The following KLHL32 variants were observed in gnomAD, a reference collection of about 807,000 sequenced individuals.
KLHL32 encodes the protein kelch like family member 32.
A neutral mutation model predicts 64.8 loss-of-function variants in KLHL32; 35 were observed. The observed-to-expected ratio is 0.54, with a 90% confidence interval of 0.41 to 0.72. The LOEUF is 0.72. Among genes scored for constraint, KLHL32 ranks in the 30% least tolerant of loss-of-function variants. KLHL32 has a pLI of 0.00. For missense variants in KLHL32, 589 were observed against 768.5 expected (o/e 0.77, Z 2.76); for synonymous variants, 259 against 281.0 (o/e 0.92, Z 0.78).
chr6:97,010,779 G>C (rs1239399450), intron 3 of KLHL32, among the ~76,000 whole-genome samples: 1 of 152,162 alleles, frequency 6.6e-6, no homozygotes, highest in Non-Finnish European at 1.5e-5. Context: ...AAAGTACCTA[G>C]AAGAATAAAA....
chr6:96,983,459 C>A (rs1463697510), intron 3 of KLHL32, among the ~76,000 whole-genome samples: 2 of 152,294 alleles, frequency 1.3e-5, no homozygotes, highest in African/African-American at 4.8e-5. Flanking sequence ...GGAATGGTAC[C>A]AGCTCCTCCA....
intron 3 of KLHL32, among the ~76,000 whole-genome samples, chr6:97,031,007 C>A (rs531977142): frequency 7.2e-4 from 109 of 152,308 alleles, no homozygotes; most frequent in African/African-American, 2.5e-3. Context: ...ATGGAGCCTG[C>A]ACTCTACCTT....
intron 1 of KLHL32, among the ~76,000 whole-genome samples, chr6:96,950,995 G>A (rs541085720): frequency 8.0e-4 from 122 of 151,580 alleles, no homozygotes; most frequent in African/African-American, 2.8e-3. Context: ...TACTCAGTTT[G>A]AACAAAAAAA....
chr6:96,951,377 A>G (rs1772566179), intron 1 of KLHL32, among the ~76,000 whole-genome samples: 1 of 152,174 alleles, frequency 6.6e-6, no homozygotes, highest in Non-Finnish European at 1.5e-5. Context: ...AGGGGACAGC[A>G]GCAGGAGGAA....
At chr6:96,959,762 G>A (rs74776706) in intron 1 of KLHL32, among the ~76,000 whole-genome samples, 4,062 of 152,246 alleles carry the variant, frequency 0.027, 77 homozygotes, top group Middle Eastern at 0.058. Flanking sequence ...GGTTTCTATG[G>A]ATCAGGAAGG....
At chr6:97,062,469 A>T (rs562248272) in intron 4 of KLHL32, 50 of 152,368 alleles carry the variant, frequency 3.3e-4, no homozygotes, top group Middle Eastern at 6.8e-3. Flanking sequence ...CTAGATGGAA[A>T]AGGAGATATA....
the KLHL32 span, among the ~76,000 whole-genome samples, chr6:96,905,866 G>T: frequency 6.6e-6 from 1 of 152,164 alleles, no homozygotes; most frequent in Admixed American, 6.5e-5. Context: ...ATATTTAAGA[G>T]AACCATTTAG....
At chr6:96,987,347 A>C (rs1191958730) in intron 3 of KLHL32, among the ~76,000 whole-genome samples, 2 of 152,062 alleles carry the variant, frequency 1.3e-5, no homozygotes, top group South Asian at 2.1e-4. Context: ...GTGGGCATTT[A>C]GTGGTATAAA....
chr6:97,089,412 G>A (rs1793887003), intron 6 of KLHL32, among the ~76,000 whole-genome samples: 1 of 152,234 alleles, frequency 6.6e-6, no homozygotes, highest in South Asian at 2.1e-4. Context: ...TGAGTGGGAA[G>A]TTTTGTTTTC....
chr6:97,088,264 C>G (rs1793727458), intron 6 of KLHL32, among the ~76,000 whole-genome samples: 2 of 152,132 alleles, frequency 1.3e-5, no homozygotes, highest in Non-Finnish European at 2.9e-5. Context: ...TCAAGGCCAG[C>G]AATTTATCAG....
intron 5 of KLHL32, among the ~76,000 whole-genome samples, chr6:97,071,995 A>G (rs756257559): frequency 1.3e-5 from 2 of 152,130 alleles, no homozygotes; most frequent in Non-Finnish European, 2.9e-5. Flanking sequence ...TCTTGTCTCT[A>G]TAATGTACCC....
intron 10 of KLHL32, among the ~76,000 whole-genome samples, chr6:97,138,439 TG>T (rs1800299655): frequency 6.6e-6 from 1 of 151,808 alleles, no homozygotes; most frequent in African/African-American, 2.4e-5. Flanking sequence ...CTCAGGAGGG[TG>T]AGGCAGGAGG....
At chr6:96,921,095 C>T (rs908976888), upstream of KLHL32, among the ~76,000 whole-genome samples, 2 of 152,254 alleles carry the variant, frequency 1.3e-5, no homozygotes, top group Admixed American at 6.5e-5. Flanking sequence ...ATGAAAATTA[C>T]AATTTATTTT....
At chr6:97,022,328 CTT>C (rs1782108840) in intron 3 of KLHL32, among the ~76,000 whole-genome samples, 2 of 150,880 alleles carry the variant, frequency 1.3e-5, no homozygotes, top group South Asian at 4.1e-4. Flanking sequence ...ACCTGAGAAT[CTT>C]TGCACAGCTG....
At chr6:97,068,703 G>C (rs1385874221) in intron 5 of KLHL32, among the ~76,000 whole-genome samples, 1 of 152,132 alleles carries the variant, frequency 6.6e-6, no homozygotes, top group Non-Finnish European at 1.5e-5. Context: ...TGACTCTAAG[G>C]TTTTACAAAT....
chr6:96,964,777 T>G (rs2128030418), intron 1 of KLHL32, among the ~76,000 whole-genome samples: 1 of 152,340 alleles, frequency 6.6e-6, no homozygotes, highest in African/African-American at 2.4e-5. Context: ...GTAAATAATA[T>G]GTAGTAAAAA....
At chr6:96,967,525 A>T (rs1413067720) in intron 2 of KLHL32, among the ~76,000 whole-genome samples, 1 of 151,810 alleles carries the variant, frequency 6.6e-6, no homozygotes, top group Non-Finnish European at 1.5e-5. Context: ...AGAGAGGGAG[A>T]GCCCTCTCTA....
intron 4 of KLHL32, among the ~76,000 whole-genome samples, chr6:97,055,607 G>A (rs1436847641): frequency 6.6e-6 from 1 of 151,932 alleles, no homozygotes; most frequent in Non-Finnish European, 1.5e-5. Flanking sequence ...AGACCATCCT[G>A]GCCAACATGG....
chr6:97,055,391 C>A (rs772254168), intron 4 of KLHL32, among the ~76,000 whole-genome samples: 1 of 152,162 alleles, frequency 6.6e-6, no homozygotes, highest in East Asian at 1.9e-4. Flanking sequence ...ATCTCCCCCA[C>A]GTAGGGTCCA....
Sources: gnomAD v4.1 joint callset for allele counts (sites outside exome capture counted in the v4.1 genomes callset) on GRCh38, gnomAD v4.1.1 for gene constraint, MANE v1.5 for transcripts, NCBI Gene and HGNC (gene_info 2026-07-23, HGNC 2026-07-21) for gene names.